LUZP2: variants seen among roughly 807,000 people sequenced by gnomAD.
The protein encoded by LUZP2 is leucine zipper protein 2.
A neutral mutation model predicts 51.6 loss-of-function variants in LUZP2; 52 were observed. The ratio of observed to expected loss-of-function variants is 1.01; its 90% CI spans 0.81 to 1.27. LUZP2 has a LOEUF of 1.27. LUZP2 is among the 50% of genes most tolerant of loss of function. The pLI is 0.00. For missense variants in LUZP2, 436 were observed against 395.4 expected (o/e 1.10, Z -0.87); for synonymous variants, 154 against 137.3 (o/e 1.12, Z -0.85).
chr11:24,761,237 A>G (rs1433455886), intron 4 of LUZP2, among the ~76,000 whole-genome samples: 2 of 152,134 alleles, frequency 1.3e-5, no homozygotes, highest in East Asian at 3.9e-4. Flanking sequence ...GGCAGAAGGC[A>G]AAGCTGGAGT....
chr11:24,597,399 T>C (rs1853478404), intron 1 of LUZP2, among the ~76,000 whole-genome samples: 2 of 152,184 alleles, frequency 1.3e-5, no homozygotes, highest in Admixed American at 1.3e-4. Flanking sequence ...ACTTTAATTT[T>C]CTCTAATCGA....
chr11:24,639,140 T>C (rs1405787052), intron 1 of LUZP2, among the ~76,000 whole-genome samples: 1 of 151,798 alleles, frequency 6.6e-6, no homozygotes, highest in Non-Finnish European at 1.5e-5. Context: ...TTCAATCATG[T>C]CACTAGTTGC....
chr11:24,552,049 G>GA (rs957838454), intron 1 of LUZP2, among the ~76,000 whole-genome samples: 3 of 151,782 alleles, frequency 2.0e-5, no homozygotes, highest in African/African-American at 7.3e-5. Context: ...CCAGAGAACA[G>GA]AAAAAACCCA....
intron 1 of LUZP2, among the ~76,000 whole-genome samples, chr11:24,583,687 G>A (rs530188495): frequency 6.6e-6 from 1 of 151,322 alleles, no homozygotes; most frequent in East Asian, 2.0e-4. Context: ...GTAACCAGGG[G>A]AAGTCGATGT....
intron 7 of LUZP2, among the ~76,000 whole-genome samples, chr11:24,965,956 G>T (rs1011099039): frequency 1.3e-5 from 2 of 151,662 alleles, no homozygotes; most frequent in African/African-American, 4.8e-5. Context: ...AAGTGGCAAA[G>T]ATAATGCAAT....
intron 4 of LUZP2, among the ~76,000 whole-genome samples, chr11:24,741,978 A>G (rs1277516541): frequency 1.4e-5 from 1 of 72,638 alleles, no homozygotes; most frequent in Non-Finnish European, 3.3e-5. Context: ...ATATACATTT[A>G]TATATTATAT....
intron 1 of LUZP2, among the ~76,000 whole-genome samples, chr11:24,520,420 C>A (rs1003584126): frequency 1.3e-5 from 2 of 152,098 alleles, no homozygotes; most frequent in African/African-American, 2.4e-5. Context: ...CCACAGAAAC[C>A]AGATGTGATT....
At chr11:24,780,715 A>AG (rs556788251) in intron 5 of LUZP2, among the ~76,000 whole-genome samples, 148 of 152,182 alleles carry the variant, frequency 9.7e-4, no homozygotes, top group African/African-American at 3.4e-3. Context: ...AATTTGAACA[A>AG]CTGTCTTGTT....
chr11:24,629,831 T>C (rs1219523118), intron 1 of LUZP2, among the ~76,000 whole-genome samples: 1 of 151,944 alleles, frequency 6.6e-6, no homozygotes, highest in Non-Finnish European at 1.5e-5. Flanking sequence ...AGTGTTCCCT[T>C]TTCTTCACAT....
At chr11:24,772,373 G>C (rs1860454158) in intron 5 of LUZP2, among the ~76,000 whole-genome samples, 1 of 152,110 alleles carries the variant, frequency 6.6e-6, no homozygotes, top group Non-Finnish European at 1.5e-5. Flanking sequence ...AGTGCTTCAG[G>C]GTCACTATTC....
At chr11:24,990,816 A>G (rs1242840618) in intron 9 of LUZP2, among the ~76,000 whole-genome samples, 2 of 151,980 alleles carry the variant, frequency 1.3e-5, no homozygotes, top group Non-Finnish European at 2.9e-5. Context: ...TTTATTCTAT[A>G]TATATTTTTA....
intron 10 of LUZP2, among the ~76,000 whole-genome samples, chr11:25,062,321 G>C (rs981560264): frequency 6.6e-6 from 1 of 151,348 alleles, no homozygotes. Flanking sequence ...ATGGTGGCTT[G>C]TAACTGTAAT....
intron 1 of LUZP2, among the ~76,000 whole-genome samples, chr11:24,608,828 T>TA (rs1443188212): frequency 3.9e-5 from 6 of 152,184 alleles, no homozygotes; most frequent in Admixed American, 6.5e-5. Context: ...CATTATAAAA[T>TA]AGCAAAAATT....
intron 9 of LUZP2, among the ~76,000 whole-genome samples, chr11:24,992,014 G>A (rs139895917): frequency 7.9e-4 from 120 of 152,092 alleles, no homozygotes; most frequent in African/African-American, 2.8e-3. Flanking sequence ...CCCACTTTGT[G>A]AGTTGTCTGT....
At chr11:24,977,896 T>C (rs1855924506) in intron 8 of LUZP2, among the ~76,000 whole-genome samples, 1 of 151,656 alleles carries the variant, frequency 6.6e-6, no homozygotes, top group African/African-American at 2.4e-5. Context: ...TTTAATTTTT[T>C]TTTTAATTAA....
chr11:24,542,505 T>C (rs1851402594), intron 1 of LUZP2, among the ~76,000 whole-genome samples: 1 of 151,966 alleles, frequency 6.6e-6, no homozygotes, highest in Non-Finnish European at 1.5e-5. Flanking sequence ...TTAAATCAAT[T>C]TGGGGAATTT....
intron 1 of LUZP2, among the ~76,000 whole-genome samples, chr11:24,724,721 GAT>G (rs1449089145): frequency 1.2e-4 from 19 of 152,244 alleles, no homozygotes; most frequent in African/African-American, 4.3e-4. Context: ...ATTAGAAAAA[GAT>G]ATGACTGGTC....
At chr11:24,798,119 T>C (rs1171957401) in intron 5 of LUZP2, among the ~76,000 whole-genome samples, 1 of 152,168 alleles carries the variant, frequency 6.6e-6, no homozygotes, top group Admixed American at 6.6e-5. Context: ...TACTATGTTT[T>C]GTTTGTTTGC....
chr11:24,729,988 T>G (rs1220481834), intron 2 of LUZP2, among the ~76,000 whole-genome samples: 1 of 151,846 alleles, frequency 6.6e-6, no homozygotes, highest in Non-Finnish European at 1.5e-5. Flanking sequence ...AGAGTTTACA[T>G]GTAGACAATC....
Sources: allele counts gnomAD v4.1 joint callset (sites outside exome capture counted in the v4.1 genomes callset), GRCh38; gene constraint gnomAD v4.1.1; transcripts MANE v1.5; gene names NCBI Gene and HGNC (gene_info 2026-07-23, HGNC 2026-07-21).